The following MEIOB variants were observed in gnomAD, a reference collection of about 807,000 sequenced individuals.
The protein encoded by MEIOB is meiosis-specific with OB domain-containing protein.
A neutral mutation model predicts 53.1 loss-of-function variants in MEIOB; 50 were observed. The observed-to-expected ratio is 0.94, with a 90% CI of 0.75 to 1.19. MEIOB has a LOEUF of 1.19. Among genes scored for constraint, MEIOB ranks in the 50% most tolerant of loss-of-function variants. MEIOB has a pLI of 0.00. For missense variants in MEIOB, 551 were observed against 550.8 expected (o/e 1.00, Z 0.00); for synonymous variants, 192 against 182.5 (o/e 1.05, Z -0.42).
In MEIOB at chr16:1,841,887, T is replaced by C. The variant is rs1898920737; in HGVS notation, c.967A>G (p.Ile323Val). The change falls in exon 11 of 14, where the codon ATC becomes GTC. Residue 323 changes from isoleucine to valine, a missense_variant. Transcript: ENST00000325962. ...AGTGTGGAAATGTAGGCATAAAGGA[T>C]GCCATAGGAAGGATCAGCTTTTCCT... ...NEGKADPSYG[I>V]LYAYISTLNI... 1.2e-6 allele frequency: 2 copies of C among 1,608,552 alleles called. No individual in the cohort carries two copies. Among genetic ancestry groups the C allele is most frequent in the South Asian group, 2.2e-5 (2 of 89,508 alleles).
chr16:1,840,752 G>A (rs1294426234), intron 11 of MEIOB, among the ~76,000 whole-genome samples: 3 of 151,876 alleles, frequency 2.0e-5, no homozygotes, highest in East Asian at 3.9e-4. Flanking sequence ...GGGTTTCACC[G>A]TGTTAGCCAG....
At chr16:1,846,963 T>C (rs1364845270) in intron 9 of MEIOB, among the ~76,000 whole-genome samples, 1 of 152,040 alleles carries the variant, frequency 6.6e-6, no homozygotes, top group Non-Finnish European at 1.5e-5. Context: ...AAGACCATCC[T>C]GGCCAACATG....
rs926138084 is a variant in MEIOB at position 1,837,874 on chromosome 16, G to C, written c.1219-4C>G. ...TCATTGCAAGAAACTCATGTACCTG[G>C]TTAAAAAAAAAATATGAGACAAATA... On this transcript the variant is annotated splice_region_variant and splice_polypyrimidine_tract_variant and intron_variant, in intron 12 of 13. Coordinates refer to ENST00000325962, the MANE Select transcript of MEIOB (RefSeq NM_001163560.3). The C allele has an allele frequency of 1.3e-6, 2 of 1,490,980 alleles. No homozygotes were observed. The highest frequency in any genetic ancestry group is 1.8e-6 in the Non-Finnish European group (2 of 1,118,192). The allele number at this position is 1,490,980 out of a possible 1,614,324, so 92.4% of individuals were successfully genotyped here.
In MEIOB at chr16:1,834,074, G is replaced by A; in HGVS notation, c.*182C>T. 1 of 486,568 alleles carries A rather than the reference G, an allele frequency of 2.1e-6. No homozygotes were observed. The highest frequency in any genetic ancestry group is 3.6e-6 in the Non-Finnish European group (1 of 275,748). 30.1% of individuals were successfully genotyped at this position (486,568 alleles called of 1,614,324 possible). Reference sequence around the variant, plus strand: ...AAGACAGTAGGAGGCCTTCTAAGAAGGGAGGTCAGATGAGAGAGGCCTTCA... The same window carrying A: ...AAGACAGTAGGAGGCCTTCTAAGAAAGGAGGTCAGATGAGAGAGGCCTTCA... On this transcript the variant is annotated 3_prime_UTR_variant, in exon 14 of 14. Transcript: ENST00000325962.
chr16:1,839,460 G>T, intron 11 of MEIOB, 22 bp from the exon 12 acceptor site: 2 of 1,581,164 alleles, frequency 1.3e-6, no homozygotes, highest in South Asian at 2.3e-5. Context: ...CAAAGACAAT[G>T]ATAAAATGTG....
chr16:1,840,453 G>A (rs1018127440), intron 11 of MEIOB, among the ~76,000 whole-genome samples: 3 of 152,128 alleles, frequency 2.0e-5, no homozygotes, highest in African/African-American at 4.8e-5. Context: ...ATTGAATGGT[G>A]TTGATATCCT....
chr16:1,839,508 G>T, intron 11 of MEIOB, 70 bp from the exon 12 acceptor site: 13 of 1,390,912 alleles, frequency 9.3e-6, no homozygotes, highest in African/African-American at 1.4e-5. Context: ...AGCAGAAAAA[G>T]AATTGTCACT....
At chr16:1,870,834 C>T (rs1324743901) in intron 1 of MEIOB, among the ~76,000 whole-genome samples, 1 of 152,286 alleles carries the variant, frequency 6.6e-6, no homozygotes, top group East Asian at 1.9e-4. Flanking sequence ...CAAATTCATT[C>T]ACTCATTCAA....
chr16:1,853,190 T>C (rs1309859204), intron 8 of MEIOB, 29 bp downstream of exon 8: 11 of 1,561,954 alleles, frequency 7.0e-6, no homozygotes, highest in East Asian at 2.3e-5. Flanking sequence ...AAATGACAAA[T>C]ATTGGACACA....
chr16:1,850,912 C>G (rs369703300), intron 9 of MEIOB, among the ~76,000 whole-genome samples: 4 of 151,862 alleles, frequency 2.6e-5, no homozygotes, highest in Non-Finnish European at 4.4e-5. Flanking sequence ...CAGAGTGAGA[C>G]TGTCTCAAAA....
chr16:1,842,623 C>CAAAAAAAAAAAAAAAATAA (rs202147878), intron 10 of MEIOB, among the ~76,000 whole-genome samples: 1 of 97,776 alleles, frequency 1.0e-5, no homozygotes. Flanking sequence ...AACTCCATCT[C>CAAAAAAAAAAAAAAAATAA]AAAAAGACAG....
chr16:1,842,641 AT>A (rs1181355139), intron 10 of MEIOB, among the ~76,000 whole-genome samples: 1 of 149,184 alleles, frequency 6.7e-6, no homozygotes, highest in African/African-American at 2.5e-5. Context: ...CAGTGACTCG[AT>A]TTTTTTTATT....
rs184542074 is a variant in MEIOB at position 1,864,716 on chromosome 16, G to A, written c.127+1062C>T. ...TTGGTTAGGCTGGTCCCAAACTCCT[G>A]ACCTCAGGTGATCCGCCCACCTCAG... On this transcript the variant is annotated intron_variant, in intron 3 of 13. Coordinates refer to ENST00000325962, the MANE Select transcript of MEIOB (RefSeq NM_001163560.3). Among the ~76,000 whole-genome samples, 335 of 152,114 alleles carry A rather than the reference G, an allele frequency of 2.2e-3. 1 individual carries two copies. Among genetic ancestry groups the A allele is most frequent in the African/African-American group, 7.6e-3 (316 of 41,506 alleles).
At chr16:1,839,529 CG>C in intron 11 of MEIOB, 91 bp from the exon 12 acceptor site, 9 of 1,220,760 alleles carry the variant, frequency 7.4e-6, no homozygotes, top group South Asian at 1.5e-5. Flanking sequence ...AAAAACTCTA[CG>C]ACAGTGTGTG....
At chr16:1,864,786 A>G (rs2437737) in intron 3 of MEIOB, among the ~76,000 whole-genome samples, 125,219 of 151,760 alleles carry the variant, frequency 0.83, 51,781 homozygotes, top group Middle Eastern at 0.9. Context: ...TGTGCCTGGC[A>G]AAAAACCGTG....
At chr16:1,841,461 C>A (rs373655070) in intron 11 of MEIOB, among the ~76,000 whole-genome samples, 51 of 152,302 alleles carry the variant, frequency 3.3e-4, no homozygotes, top group African/African-American at 1.1e-3. Context: ...ACTACAGGCG[C>A]ATGCTACTGC....
At position 1,854,238 on chromosome 16, in the gene MEIOB, T is replaced by A. The variant is rs10500322; in HGVS notation, c.529-38A>T. 0.61 allele frequency: 730,055 copies of A among 1,193,330 alleles called. 227,498 individuals carry two copies. The highest frequency in any genetic ancestry group is 0.67 in the Admixed American group (28,708 of 42,904). 73.9% of individuals were successfully genotyped at this position (1,193,330 alleles called of 1,614,324 possible). A position where few individuals can be genotyped will look rare whatever the true frequency, so the allele number is the denominator to read the frequency against. On this transcript the variant is annotated intron_variant, in intron 6 of 13. Transcript: ENST00000325962. Reference sequence around the variant, plus strand: ...AATAAATCATTACTCTTCACCTATATGTAGAAGTTCTTAAGTATTTGTTGA... The same window carrying A: ...AATAAATCATTACTCTTCACCTATAAGTAGAAGTTCTTAAGTATTTGTTGA...
chr16:1,861,649 C>A (rs936940444), intron 4 of MEIOB, among the ~76,000 whole-genome samples: 1 of 151,200 alleles, frequency 6.6e-6, no homozygotes, highest in Non-Finnish European at 1.5e-5. Context: ...CTCAAGCCAC[C>A]CTCCTGCTTC....
Position 1,839,248 on chromosome 16 carries a change from T to C in MEIOB, c.1218+7A>G. ...ATTCTAAACATTTCTTCCTTTTTGC[T>C]ATTTACCGTGCAGCCCAAAGTCTCC... On this transcript the variant is annotated splice_region_variant and intron_variant, in intron 12 of 13. Transcript: ENST00000325962. 6.4e-7 allele frequency: 1 copy of C among 1,566,822 alleles called. No individual in the cohort carries two copies.
Sources: allele counts gnomAD v4.1 joint callset (sites outside exome capture counted in the v4.1 genomes callset), GRCh38; gene constraint gnomAD v4.1.1; transcripts MANE v1.5; gene names NCBI Gene and HGNC (gene_info 2026-07-23, HGNC 2026-07-21).